The following ITPRID1 variants were observed in gnomAD, a reference collection of about 807,000 sequenced individuals.
ITPRID1 encodes the protein protein ITPRID1.
ITPRID1 carries 96 observed loss-of-function variants against 95.4 expected under a neutral mutation model. The ratio of observed to expected loss-of-function variants is 1.01; its 90% CI spans 0.85 to 1.19. The LOEUF is 1.19. Ranked by LOEUF, ITPRID1 falls within the 50% of genes most tolerant of loss-of-function variation. The probability of loss-of-function intolerance (pLI) is 0.00; values close to 1 mark genes in which losing one functional copy is unlikely to be tolerated. For synonymous variants in ITPRID1, 510 were observed against 453.6 expected (o/e 1.12, Z -1.58); for missense variants, 1,339 against 1,252.9 (o/e 1.07, Z -1.04).
intron 1 of ITPRID1, among the ~76,000 whole-genome samples, chr7:31,529,017 A>C (rs1783507302): frequency 6.6e-6 from 1 of 152,222 alleles, no homozygotes; most frequent in Non-Finnish European, 1.5e-5. Context: ...AAATGAGGTC[A>C]GTAGTGTGCC....
intron 1 of ITPRID1, among the ~76,000 whole-genome samples, chr7:31,519,620 C>CTATATATATATATATATATATATA (rs750544823): frequency 1.3e-3 from 34 of 25,238 alleles, no homozygotes; most frequent in African/African-American, 2.0e-3. Context: ...CTCTCTCTCT[C>CTATATATATATATATATATATATA]TATATATATA....
chr7:31,652,984 A>C lies in ITPRID1; in HGVS notation c.*155A>C. 2.8e-6 allele frequency: 4 copies of C among 1,442,126 alleles called. No homozygotes were observed. The highest frequency in any genetic ancestry group is 3.6e-6 in the Non-Finnish European group (4 of 1,101,924). The allele number at this position is 1,442,126 out of a possible 1,614,324, so 89.3% of individuals were successfully genotyped here. A position where few individuals can be genotyped will look rare whatever the true frequency, so the allele number is the denominator to read the frequency against. ...CTTTGGTTAAACCCAAGAGGAGTTT[A>C]GAATACTCTAATACTCATTCAGTAT... On this transcript the variant is annotated 3_prime_UTR_variant, in exon 15 of 15. Transcript: ENST00000615280.
intron 1 of ITPRID1, among the ~76,000 whole-genome samples, chr7:31,544,113 C>T (rs183940356): frequency 1.3e-5 from 2 of 152,178 alleles, no homozygotes; most frequent in Non-Finnish European, 2.9e-5. Flanking sequence ...ATTTTCAGCA[C>T]AATGTTGAAA....
At chr7:31,652,427 A>C (rs1791043498) in intron 14 of ITPRID1, 91 bp from the exon 15 acceptor site, 2 of 1,473,670 alleles carry the variant, frequency 1.4e-6, no homozygotes, top group Non-Finnish European at 1.8e-6. Flanking sequence ...AGAATCGACC[A>C]CCTCATAATG....
chr7:31,556,819 G>T (rs1204253914), intron 5 of ITPRID1, among the ~76,000 whole-genome samples: 2 of 152,048 alleles, frequency 1.3e-5, no homozygotes, highest in East Asian at 3.9e-4. Flanking sequence ...AAACTTGGTG[G>T]TTTTAAGCAC....
At position 31,643,406 on chromosome 7, in the gene ITPRID1, C is replaced by A; in HGVS notation, c.2036C>A (p.Ser679Ter). 1 of 1,613,992 alleles carries A rather than the reference C, an allele frequency of 6.2e-7. No individual in the cohort carries two copies. The highest frequency in any genetic ancestry group is 1.1e-5 in the South Asian group (1 of 91,054). The change falls in exon 12 of 15, where the codon TCA becomes TAA. Residue 679 changes from serine (S) to a stop codon, truncating the protein, a stop_gained. Transcript: ENST00000615280. LOFTEE classifies it high-confidence loss of function. ...KLPGDPAQVKSRSGTLGQILP... is the reference protein window; with the variant it reads ...KLPGDPAQVK ...CCTGGAGATCCTGCCCAGGTGAAGTCAAGGTCTGGTACTTTGGGTCAGATA... is the reference window on the plus strand; with the variant it reads ...CCTGGAGATCCTGCCCAGGTGAAGTAAAGGTCTGGTACTTTGGGTCAGATA...
At chr7:31,580,977 G>GA (rs1343952700) in intron 9 of ITPRID1, among the ~76,000 whole-genome samples, 1 of 152,156 alleles carries the variant, frequency 6.6e-6, no homozygotes, top group Non-Finnish European at 1.5e-5. Context: ...TCTCACTGGG[G>GA]AAAAAATATT....
intron 1 of ITPRID1, among the ~76,000 whole-genome samples, chr7:31,520,550 TGTGTGTGTGTGTGTGAGAGAGA>T (rs1387156901): frequency 5.8e-4 from 47 of 81,626 alleles, no homozygotes; most frequent in East Asian, 2.4e-3. Flanking sequence ...TGTGTGTGTG[TGTGTGTGTGTGTGTGAGAGAGA>T]GAGAGAGAGT....
chr7:31,560,142 G>C (rs1373405105), intron 5 of ITPRID1, among the ~76,000 whole-genome samples: 1 of 152,204 alleles, frequency 6.6e-6, no homozygotes, highest in African/African-American at 2.4e-5. Context: ...GTTATCTGGG[G>C]ATGAGCTGTT....
chr7:31,520,645 C>A (rs940002600), intron 1 of ITPRID1, among the ~76,000 whole-genome samples: 2 of 151,566 alleles, frequency 1.3e-5, no homozygotes, highest in Non-Finnish European at 2.9e-5. Flanking sequence ...GTATTTCCTG[C>A]CCTAGACCTA....
intron 1 of ITPRID1, among the ~76,000 whole-genome samples, chr7:31,515,374 G>A (rs943961688): frequency 2.0e-5 from 3 of 151,824 alleles, no homozygotes; most frequent in Non-Finnish European, 2.9e-5. Flanking sequence ...AAGTCAAATG[G>A]AGACCAGCCT....
At chr7:31,577,699 A>G (rs982968691) in intron 8 of ITPRID1, among the ~76,000 whole-genome samples, 164 bp from the exon 9 acceptor site, 1 of 152,212 alleles carries the variant, frequency 6.6e-6, no homozygotes, top group African/African-American at 2.4e-5. Context: ...AATCATCTCC[A>G]TAATAGTAAT....
At chr7:31,569,850 C>A in intron 6 of ITPRID1, 41 bp downstream of exon 6, 1 of 1,505,820 alleles carries the variant, frequency 6.6e-7, no homozygotes, top group Non-Finnish European at 9.0e-7. Context: ...CAATATTTTG[C>A]AGCCACACCT....
intron 10 of ITPRID1, among the ~76,000 whole-genome samples, chr7:31,592,681 T>A (rs1022303564): frequency 2.4e-4 from 37 of 152,310 alleles, no homozygotes; most frequent in African/African-American, 8.4e-4. Flanking sequence ...CAACCACTGA[T>A]CTGACAGGAG....
intron 4 of ITPRID1, 121 bp from the exon 5 acceptor site, chr7:31,554,736 TA>T: frequency 9.6e-7 from 1 of 1,038,386 alleles, no homozygotes; most frequent in Non-Finnish European, 1.4e-6. Context: ...TATTGGTTTC[TA>T]AAAGTCCTCT....
chr7:31,545,169 T>A (rs1784057497), intron 1 of ITPRID1, among the ~76,000 whole-genome samples: 1 of 152,138 alleles, frequency 6.6e-6, no homozygotes, highest in Non-Finnish European at 1.5e-5. Context: ...AAGTTCTATT[T>A]GAGTTTAATG....
chr7:31,637,293 A>G (rs1424501807), intron 10 of ITPRID1, among the ~76,000 whole-genome samples: 4 of 152,136 alleles, frequency 2.6e-5, no homozygotes, highest in South Asian at 2.1e-4. Context: ...CTAGTTGTAG[A>G]TCCCTGAGGA....
At chr7:31,599,636 TCTTTCTTTCTTTTTCTTTCTTTC>T (rs1198106078) in intron 10 of ITPRID1, among the ~76,000 whole-genome samples, 3 of 66,128 alleles carry the variant, frequency 4.5e-5, no homozygotes, top group African/African-American at 1.7e-4. Flanking sequence ...TTTCTTTCTT[TCTTTCTTTCTTTTTCTTTCTTTC>T]CTTTCTCTCT....
At chr7:31,618,443 C>T (rs891457443) in intron 10 of ITPRID1, among the ~76,000 whole-genome samples, 2 of 152,140 alleles carry the variant, frequency 1.3e-5, no homozygotes, top group Non-Finnish European at 2.9e-5. Flanking sequence ...TCTTGGCACC[C>T]AAGTTTCATG....
Sources: allele counts gnomAD v4.1 joint callset (sites outside exome capture counted in the v4.1 genomes callset), GRCh38; gene constraint gnomAD v4.1.1; transcripts MANE v1.5; gene names NCBI Gene and HGNC (gene_info 2026-07-23, HGNC 2026-07-21).